The following S100A11 variants were observed in gnomAD, a reference collection of about 807,000 sequenced individuals.
The protein encoded by S100A11 is S100 calcium binding protein A11.
A neutral mutation model predicts 7.4 loss-of-function variants in S100A11; 5 were observed. The observed-to-expected ratio is 0.68, with a 90% CI of 0.35 to 1.42. S100A11 has a LOEUF of 1.42. Among genes scored for constraint, S100A11 ranks in the 40% most tolerant of loss-of-function variants. The probability of loss-of-function intolerance (pLI) is 0.04; values close to 1 mark genes in which losing one functional copy is unlikely to be tolerated. For synonymous variants in S100A11, 47 were observed against 46.6 expected (o/e 1.01, Z -0.04); for missense variants, 96 against 125.0 (o/e 0.77, Z 1.11).
intron 1 of S100A11, 121 bp downstream of exon 1, chr1:152,036,792 C>T (rs1656842662): frequency 2.3e-6 from 2 of 881,076 alleles, no homozygotes; most frequent in Non-Finnish European, 3.6e-6. Flanking sequence ...CTGATTTTTC[C>T]TGCTGTTTCC....
chr1:152,034,123 T>A (rs961189292), intron 1 of S100A11, among the ~76,000 whole-genome samples: 1 of 152,214 alleles, frequency 6.6e-6, no homozygotes, highest in African/African-American at 2.4e-5. Context: ...TGTGGATAAA[T>A]ACATGTGTAA....
chr1:152,032,762 C>T lies in S100A11; in HGVS notation c.218G>A (p.Gly73Asp). 1 of 1,613,908 alleles carries T rather than the reference C, an allele frequency of 6.2e-7. No homozygotes were observed. Among genetic ancestry groups the T allele is most frequent in the Non-Finnish European group, 8.5e-7 (1 of 1,179,754 alleles). Residue 73 changes from glycine (G) to aspartate (D), a missense_variant, in exon 3 of 3, where the codon GGT (glycine) becomes GAT (aspartate). Gly to Asp is a moderately conservative substitution (Grantham distance 94). Transcript: ENST00000271638. ...AAGAAATTCTGAGAAATCTAGCTGA[C>T]CATCACTGTTGGTGTCCAGTTTCTT... ...MMKKLDTNSD[G>D]QLDFSEFLNL...
intron 1 of S100A11, 83 bp downstream of exon 1, chr1:152,036,830 A>G: frequency 2.4e-6 from 3 of 1,253,148 alleles, no homozygotes; most frequent in Admixed American, 3.5e-5. Flanking sequence ...AGTCAAAGAT[A>G]AAGTCTGCTG....
rs1656763580 is a variant in S100A11 at position 152,032,726 on chromosome 1, C to T, written c.254G>A (p.Gly85Asp). 1 of 1,614,018 alleles carries T rather than the reference C, an allele frequency of 6.2e-7. No individual in the cohort carries two copies. The highest frequency in any genetic ancestry group is 8.5e-7 in the Non-Finnish European group (1 of 1,179,900). ...LDFSEFLNLI[G>D]GLAMACHDSF... ...GTCATGGCAAGCCATAGCTAGGCCA[C>T]CAATCAGATTAAGAAATTCTGAGAA... Residue 85 changes from glycine (G) to aspartate (D), a missense_variant, in exon 3 of 3, where the codon GGT (glycine) becomes GAT (aspartate). Coordinates refer to ENST00000271638, the MANE Select transcript of S100A11 (RefSeq NM_005620.2).
chr1:152,034,689 T>C (rs1656801477), intron 1 of S100A11, among the ~76,000 whole-genome samples: 1 of 152,204 alleles, frequency 6.6e-6, no homozygotes. Context: ...CAAGGGGACT[T>C]AGGGTCCCAA....
At position 152,033,899 on chromosome 1, in the gene S100A11, T is replaced by G. The variant is rs1475030071; in HGVS notation, c.4-99A>C. 9.1e-7 allele frequency: 1 copy of G among 1,095,706 alleles called. No individual in the cohort carries two copies. The highest frequency in any genetic ancestry group is 1.6e-5 in the African/African-American group (1 of 63,638). 67.9% of individuals were successfully genotyped at this position (1,095,706 alleles called of 1,614,324 possible). On this transcript the variant is annotated intron_variant, in intron 1 of 2. Coordinates refer to ENST00000271638, the MANE Select transcript of S100A11 (RefSeq NM_005620.2). This position sits in a 1 kb window ranked among gnomAD's most constrained non-coding sequence, Gnocchi z 4.0. The stretch of plus-strand genomic sequence containing the variant: ...ACTCTTATTTCAGGTCAAAGCAGTT[T>G]CCTAAAAGACTGAGTCATTTTTTCA...
Position 152,033,693 on chromosome 1 carries a change from TG to T in S100A11, c.110del (p.Thr37LysfsTer4). 6.2e-7 allele frequency: 1 copy of T among 1,613,890 alleles called. No individual in the cohort carries two copies. The highest frequency in any genetic ancestry group is 8.5e-7 in the Non-Finnish European group (1 of 1,179,808). On this transcript the variant is annotated frameshift_variant, in exon 2 of 3. Coordinates refer to ENST00000271638, the MANE Select transcript of S100A11 (RefSeq NM_005620.2). LOFTEE classifies it high-confidence loss of function. This position sits in a 1 kb window ranked among gnomAD's most constrained non-coding sequence, Gnocchi z 4.0. ...CTGTATTCATGAAGCTTAGGAACTCTGTCTTGGAGAGAGTGTAGTTATAACC... is the reference window on the plus strand; with the variant it reads ...CTGTATTCATGAAGCTTAGGAACTCTTCTTGGAGAGAGTGTAGTTATAACC... Reference protein sequence around the residue: ...KDGYNYTLSKTEFLSFMNTEL... With the variant: ...KDGYNYTLSKXEFLSFMNTEL...
At chr1:152,035,641 G>A (rs1019961043) in intron 1 of S100A11, among the ~76,000 whole-genome samples, 1 of 152,184 alleles carries the variant, frequency 6.6e-6, no homozygotes, top group Non-Finnish European at 1.5e-5. Context: ...GCACTTTGGA[G>A]ATGGGTCCTG....
Position 152,032,571 on chromosome 1 carries a change from A to T in S100A11, c.*91T>A. 1 of 1,141,568 alleles carries T rather than the reference A, an allele frequency of 8.8e-7. No individual in the cohort carries two copies. Among genetic ancestry groups the T allele is most frequent in the Non-Finnish European group, 1.3e-6 (1 of 794,798 alleles). The allele number at this position is 1,141,568 out of a possible 1,614,324, so 70.7% of individuals were successfully genotyped here. A position where few individuals can be genotyped will look rare whatever the true frequency, so the allele number is the denominator to read the frequency against. The stretch of plus-strand genomic sequence containing the variant: ...CAGGTGGGGCCTGCATGAGGTGGTT[A>T]GTGTGCTCAGGGGATGGGTGGGCTG... On this transcript the variant is annotated 3_prime_UTR_variant, in exon 3 of 3. Transcript: ENST00000271638.
At position 152,032,669 on chromosome 1, in the gene S100A11, C is replaced by T. The variant is rs200047972; in HGVS notation, c.311G>A (p.Arg104Gln). ...SFLKAVPSQKRT is the reference protein window; with the variant it reads ...SFLKAVPSQKQT ...GCCAGGGCCAAGGGGTCCTCAGGTC[C>T]GCTTCTGGGAAGGGACAGCCTTGAG... Residue 104 changes from arginine to glutamine, a missense_variant, in exon 3 of 3, where the codon CGG becomes CAG. Transcript: ENST00000271638. 5.0e-5 allele frequency: 81 copies of T among 1,609,828 alleles called. No homozygotes were observed. The highest frequency in any genetic ancestry group is 4.8e-4 in the African/African-American group (36 of 74,948).
At position 152,032,527 on chromosome 1, in the gene S100A11, A is replaced by ATT. The variant is rs1656758993; in HGVS notation, c.*133_*134dup. The ATT allele has an allele frequency of 1.5e-6, 1 of 671,642 alleles. No individual in the cohort carries two copies. The highest frequency in any genetic ancestry group is 2.8e-5 in the Admixed American group (1 of 35,508). The allele number at this position is 671,642 out of a possible 1,614,324, so 41.6% of individuals were successfully genotyped here. ...CTAGTTCATGTTTTAAAAAAGTGACATTGCTTTATTACTATTGGCAGGTGG... is the reference window on the plus strand; with the variant it reads ...CTAGTTCATGTTTTAAAAAAGTGACATTTTGCTTTATTACTATTGGCAGGTGG... On this transcript the variant is annotated 3_prime_UTR_variant, in exon 3 of 3. Transcript: ENST00000271638.
chr1:152,034,405 G>T (rs1490193100), intron 1 of S100A11, among the ~76,000 whole-genome samples: 2 of 152,230 alleles, frequency 1.3e-5, no homozygotes, highest in Non-Finnish European at 2.9e-5. Flanking sequence ...TGAGGAAACG[G>T]ACAGGAGAAG....
rs1319252737 is a variant in S100A11, at chr1:152,032,807, C to G, written c.173G>C (p.Gly58Ala). The part of the protein sequence containing the change: ...AAFTKNQKDP[G>A]VLDRMMKKLD... The stretch of plus-strand genomic sequence containing the variant: ...TTTCTTCATCATGCGGTCAAGGACA[C>G]CAGGGTCCTTCTGGTTCTGCAGAGA... The change falls in exon 3 of 3, where the codon GGT becomes GCT. Residue 58 changes from glycine (G) to alanine (A), a missense_variant. Physicochemically the swap from Gly to Ala is moderately conservative, Grantham distance 60 (BLOSUM62 0). Coordinates refer to ENST00000271638, the MANE Select transcript of S100A11 (RefSeq NM_005620.2). 1 of 1,611,140 alleles carries G rather than the reference C, an allele frequency of 6.2e-7. No individual in the cohort carries two copies. The highest frequency in any genetic ancestry group is 8.5e-7 in the Non-Finnish European group (1 of 1,177,480).
In S100A11 at chr1:152,032,627, A is replaced by C; in HGVS notation, c.*35T>G. The C allele has an allele frequency of 6.3e-7, 1 of 1,582,500 alleles. No individual in the cohort carries two copies. The highest frequency in any genetic ancestry group is 8.6e-7 in the Non-Finnish European group (1 of 1,156,684). On this transcript the variant is annotated 3_prime_UTR_variant, in exon 3 of 3. Transcript: ENST00000271638. ...ATGATGACAGAAAGGCTGGAAGGAA[A>C]GGGGGTGGGTTTGAAGGCCAGGGCC...
chr1:152,032,524 G>C lies in S100A11; in HGVS notation c.*138C>G. 1 of 652,056 alleles carries C rather than the reference G, an allele frequency of 1.5e-6. No individual in the cohort carries two copies. The highest frequency in any genetic ancestry group is 1.8e-5 in the African/African-American group (1 of 56,138). The allele number at this position is 652,056 out of a possible 1,614,324, so 40.4% of individuals were successfully genotyped here. ...TCTCTAGTTCATGTTTTAAAAAAGT[G>C]ACATTGCTTTATTACTATTGGCAGG... On this transcript the variant is annotated 3_prime_UTR_variant, in exon 3 of 3. Transcript: ENST00000271638.
At position 152,032,558 on chromosome 1, in the gene S100A11, G is replaced by A. The variant is rs1051410884; in HGVS notation, c.*104C>T. On this transcript the variant is annotated 3_prime_UTR_variant, in exon 3 of 3. Coordinates refer to ENST00000271638, the MANE Select transcript of S100A11 (RefSeq NM_005620.2). Reference sequence around the variant, plus strand: ...TTATTACTATTGGCAGGTGGGGCCTGCATGAGGTGGTTAGTGTGCTCAGGG... The same window carrying A: ...TTATTACTATTGGCAGGTGGGGCCTACATGAGGTGGTTAGTGTGCTCAGGG... The A allele has an allele frequency of 1.2e-5, 12 of 966,896 alleles. No individual in the cohort carries two copies. The highest frequency in any genetic ancestry group is 1.8e-5 in the Non-Finnish European group (12 of 650,824). 59.9% of individuals were successfully genotyped at this position (966,896 alleles called of 1,614,324 possible). A position where few individuals can be genotyped will look rare whatever the true frequency, so the allele number is the denominator to read the frequency against.
chr1:152,036,490 G>A (rs1557787587), intron 1 of S100A11, among the ~76,000 whole-genome samples: 1 of 152,256 alleles, frequency 6.6e-6, no homozygotes, highest in East Asian at 1.9e-4. Flanking sequence ...TCCCTTTTCT[G>A]GTGTACAGAA....
rs769748265 is a variant in S100A11 at position 152,033,768 on chromosome 1, C to A, written c.36G>T (p.Arg12=). 3.0e-5 allele frequency: 49 copies of A among 1,613,760 alleles called. No homozygotes were observed. Among genetic ancestry groups the A allele is most frequent in the Non-Finnish European group, 4.1e-5 (48 of 1,179,838 alleles). The part of the protein sequence containing the change: ...AKISSPTETE[R]CIESLIAVFQ... The stretch of plus-strand genomic sequence containing the variant: ...AGACAGCAATCAGGGACTCGATGCA[C>A]CGCTCAGTCTCTGTAGGGCTGGAGA... The change falls in exon 2 of 3, where the codon CGG becomes CGT. Residue 12 remains arginine (R), a synonymous_variant. Coordinates refer to ENST00000271638, the MANE Select transcript of S100A11 (RefSeq NM_005620.2). This position sits in a 1 kb window ranked among gnomAD's most constrained non-coding sequence, Gnocchi z 4.0.
At position 152,032,665 on chromosome 1, in the gene S100A11, G is replaced by A. The variant is rs141801925; in HGVS notation, c.315C>T (p.Thr105=). 1 of 1,609,384 alleles carries A rather than the reference G, an allele frequency of 6.2e-7. No individual in the cohort carries two copies. Among genetic ancestry groups the A allele is most frequent in the Non-Finnish European group, 8.5e-7 (1 of 1,176,396 alleles). The change falls in exon 3 of 3, where the codon ACC becomes ACT. Residue 105 remains threonine, a synonymous_variant. Coordinates refer to ENST00000271638, the MANE Select transcript of S100A11 (RefSeq NM_005620.2). ...GAAGGCCAGGGCCAAGGGGTCCTCA[G>A]GTCCGCTTCTGGGAAGGGACAGCCT... The part of the protein sequence containing the change: ...FLKAVPSQKR[T]
Sources: gnomAD v4.1 joint callset for allele counts (sites outside exome capture counted in the v4.1 genomes callset) on GRCh38, gnomAD v4.1.1 for gene constraint, Gnocchi (gnomAD v3.1) non-coding constraint, MANE v1.5 for transcripts, NCBI Gene and HGNC (gene_info 2026-07-23, HGNC 2026-07-21) for gene names.